Variants in RIC1 observed in about 807,000 individuals in gnomAD.
RIC1 encodes the protein guanine nucleotide exchange factor subunit RIC1.
A neutral mutation model predicts 169.0 loss-of-function variants in RIC1; 88 were observed. The ratio of observed to expected loss-of-function variants is 0.52; its 90% CI spans 0.44 to 0.62. The LOEUF is 0.62. Ranked by LOEUF, RIC1 falls within the 20% of genes least tolerant of loss-of-function variation. The probability of loss-of-function intolerance (pLI) is 0.00; values close to 1 mark genes in which losing one functional copy is unlikely to be tolerated. For missense variants in RIC1, 1,877 were observed against 1,725.5 expected, an observed-to-expected ratio of 1.09 and a Z score of -1.56; for synonymous variants, 790 against 601.5, an observed-to-expected ratio of 1.31 and a Z score of -4.59.
chr9:5,675,566 C>T (rs961344589), intron 2 of RIC1, among the ~76,000 whole-genome samples: 1 of 152,112 alleles, frequency 6.6e-6, no homozygotes, highest in Admixed American at 6.5e-5. Flanking sequence ...ATAATTTCTT[C>T]TAACTTCTTT....
intron 2 of RIC1, among the ~76,000 whole-genome samples, chr9:5,666,024 C>G (rs1425324704): frequency 1.3e-5 from 2 of 152,158 alleles, no homozygotes; most frequent in Non-Finnish European, 2.9e-5. Context: ...ACAGGCTGGA[C>G]TGATTGAGAA....
In RIC1 at chr9:5,774,016, A is replaced by G. The variant is rs1192031054; in HGVS notation, c.4042A>G (p.Ile1348Val). The stretch of plus-strand genomic sequence containing the variant: ...GCCACAACTGCAGAAGCTCAGTGAG[A>G]TAACAGAAGAGCAGGTCCAGCCAGA... The part of the protein sequence containing the change: ...IKPQLQKLSE[I>V]TEEQVQPDAF... Residue 1348 changes from isoleucine (I) to valine (V), a missense_variant, in exon 26 of 26, where the codon ATA (isoleucine) becomes GTA (valine). This residue lies in a region of RIC1 where 681 missense variants were observed against 582.0 expected (regional missense o/e 1.17). Coordinates refer to ENST00000414202, the MANE Select transcript of RIC1 (RefSeq NM_020829.4). The G allele has an allele frequency of 2.5e-6, 4 of 1,613,818 alleles. No homozygotes were observed. The highest frequency in any genetic ancestry group is 2.2e-5 in the East Asian group (1 of 44,876).
chr9:5,769,083 C>T lies in RIC1; in HGVS notation c.3251C>T (p.Ala1084Val), dbSNP rs1223799521. The change falls in exon 22 of 26, where the codon GCC becomes GTC. Residue 1084 changes from alanine to valine, a missense_variant. By Grantham distance (64) the Ala-to-Val change is moderately conservative. Transcript: ENST00000414202. ...TTAAAGGACCTTGGCTGCTTTGCAG[C>T]CCAGCTGGGCTTTGAACTAATTAGT... The part of the protein sequence containing the change: ...VRLKDLGCFA[A>V]QLGFELISWL... 4 of 1,613,954 alleles carry T rather than the reference C, an allele frequency of 2.5e-6. No homozygotes were observed. The African/African-American group carries it at 4.0e-5, about 16-fold the overall frequency.
At position 5,763,639 on chromosome 9, in the gene RIC1, A is replaced by G; in HGVS notation, c.2612A>G (p.Glu871Gly). The G allele has an allele frequency of 6.2e-7, 1 of 1,614,184 alleles. No individual in the cohort carries two copies. The highest frequency in any genetic ancestry group is 1.1e-5 in the South Asian group (1 of 91,078). ...CTCATGCTCCATGAAGTACTGGAAG[A>G]AGAAGCTACCTCACGGGAGCCCATT... ...LELMLHEVLE[E>G]EATSREPIPD... Residue 871 changes from glutamate (E) to glycine (G), a missense_variant, in exon 19 of 26, where the codon GAA (glutamate) becomes GGA (glycine). By Grantham distance (98) the Glu-to-Gly change is moderately conservative (BLOSUM62 -2). Transcript: ENST00000414202. The surrounding 1 kb of genome is among the most constrained non-coding windows in gnomAD (Gnocchi z 5.2).
chr9:5,763,826 T>G lies in RIC1; in HGVS notation c.2799T>G (p.Ala933=). Residue 933 remains alanine (A), a synonymous_variant, in exon 19 of 26, where the codon GCT becomes GCG. Transcript: ENST00000414202. This position sits in a 1 kb window ranked among gnomAD's most constrained non-coding sequence, Gnocchi z 5.2. Reference sequence around the variant, plus strand: ...ACTTGTTTGAGGAGTGTTTGATGGCTCAGGATTTGGACACAGCTGCCTCTT... The same window carrying G: ...ACTTGTTTGAGGAGTGTTTGATGGCGCAGGATTTGGACACAGCTGCCTCTT... The part of the protein sequence containing the change: ...PKDLFEECLM[A]QDLDTAASYL... 1.2e-6 allele frequency: 2 copies of G among 1,614,142 alleles called. No homozygotes were observed. Among genetic ancestry groups the G allele is most frequent in the Non-Finnish European group, 1.7e-6 (2 of 1,179,984 alleles).
chr9:5,696,655 A>C (rs901117274), intron 3 of RIC1, among the ~76,000 whole-genome samples: 4 of 152,130 alleles, frequency 2.6e-5, no homozygotes, highest in Non-Finnish European at 4.4e-5. Context: ...AAAAATGTGA[A>C]CTTTGCTTTT....
chr9:5,666,316 A>G (rs1218784215), intron 2 of RIC1, among the ~76,000 whole-genome samples: 2 of 151,562 alleles, frequency 1.3e-5, no homozygotes, highest in Non-Finnish European at 2.9e-5. Flanking sequence ...TAACTTTATT[A>G]GCTCTAATAA....
chr9:5,770,143 G>A lies in RIC1; in HGVS notation c.3481G>A (p.Asp1161Asn). 6.2e-7 allele frequency: 1 copy of A among 1,613,776 alleles called. No individual in the cohort carries two copies. Among genetic ancestry groups the A allele is most frequent in the Non-Finnish European group, 8.5e-7 (1 of 1,179,838 alleles). ...TGACCCATTTTTGAACCTTGAGATG[G>A]ATGCTGGCATCTCCAACATCCAGCG... ...SADPFLNLEMDAGISNIQRSQ... is the reference protein window; with the variant it reads ...SADPFLNLEMNAGISNIQRSQ... Residue 1161 changes from aspartate (D) to asparagine (N), a missense_variant, in exon 23 of 26, where the codon GAT becomes AAT. This residue lies in a region of RIC1 where 681 missense variants were observed against 582.0 expected (regional missense o/e 1.17). Coordinates refer to ENST00000414202, the MANE Select transcript of RIC1 (RefSeq NM_020829.4).
intron 23 of RIC1, 64 bp from the exon 24 acceptor site, chr9:5,772,500 A>G: frequency 3.0e-6 from 4 of 1,352,758 alleles, no homozygotes; most frequent in Non-Finnish European, 4.0e-6. Context: ...GCTAATATTT[A>G]AAATTAAAGG....
chr9:5,774,015 G>C lies in RIC1; in HGVS notation c.4041G>C (p.Glu1347Asp), dbSNP rs1286729424. ...AGCCACAACTGCAGAAGCTCAGTGAGATAACAGAAGAGCAGGTCCAGCCAG... is the reference window on the plus strand; with the variant it reads ...AGCCACAACTGCAGAAGCTCAGTGACATAACAGAAGAGCAGGTCCAGCCAG... ...IIKPQLQKLS[E>D]ITEEQVQPDA... is the part of the protein sequence containing the mutation. Residue 1347 changes from glutamate to aspartate, a missense_variant, in exon 26 of 26, where the codon GAG (glutamate) becomes GAC (aspartate). Coordinates refer to ENST00000414202, the MANE Select transcript of RIC1 (RefSeq NM_020829.4). 2 of 1,613,870 alleles carry C rather than the reference G, an allele frequency of 1.2e-6. No individual in the cohort carries two copies. The highest frequency in any genetic ancestry group is 1.7e-6 in the Non-Finnish European group (2 of 1,179,884).
At chr9:5,655,540 A>G (rs1418941854) in intron 1 of RIC1, among the ~76,000 whole-genome samples, 1 of 152,196 alleles carries the variant, frequency 6.6e-6, no homozygotes, top group African/African-American at 2.4e-5. Flanking sequence ...ACCTCAGGTG[A>G]TCTGCCAACC....
intron 6 of RIC1, among the ~76,000 whole-genome samples, chr9:5,726,670 A>G (rs1466016894): frequency 6.6e-6 from 1 of 152,172 alleles, no homozygotes; most frequent in Non-Finnish European, 1.5e-5. Context: ...ACAATTTGGC[A>G]TGTTTTTGCA....
At chr9:5,722,748 C>A (rs771453250) in intron 6 of RIC1, among the ~76,000 whole-genome samples, 1 of 152,116 alleles carries the variant, frequency 6.6e-6, no homozygotes, top group Non-Finnish European at 1.5e-5. Context: ...TGATGTTCCC[C>A]ACCTTGTGTC....
chr9:5,728,755 A>T (rs772351303), intron 6 of RIC1, among the ~76,000 whole-genome samples: 15 of 152,066 alleles, frequency 9.9e-5, no homozygotes, highest in Non-Finnish European at 1.8e-4. Context: ...ATAATCTTTA[A>T]CACAGCTGTT....
chr9:5,739,832 C>T (rs1824958918), intron 8 of RIC1, among the ~76,000 whole-genome samples: 1 of 150,530 alleles, frequency 6.6e-6, no homozygotes, highest in Admixed American at 6.7e-5. Flanking sequence ...GGTCCTCCCA[C>T]ACATCCCCTT....
intron 3 of RIC1, among the ~76,000 whole-genome samples, chr9:5,701,674 G>T (rs1001663215): frequency 6.6e-6 from 1 of 151,032 alleles, no homozygotes; most frequent in Non-Finnish European, 1.5e-5. Context: ...TCCTTACCTT[G>T]TATAGTTTAA....
chr9:5,688,462 G>GT (rs1275838240), intron 2 of RIC1, among the ~76,000 whole-genome samples: 2 of 151,958 alleles, frequency 1.3e-5, no homozygotes, highest in Non-Finnish European at 2.9e-5. Context: ...TGTTGTTCTT[G>GT]TTTTTTTATG....
At chr9:5,710,129 TA>T (rs1822848288) in intron 3 of RIC1, among the ~76,000 whole-genome samples, 1 of 152,262 alleles carries the variant, frequency 6.6e-6, no homozygotes, top group African/African-American at 2.4e-5. Flanking sequence ...CTTAAGAACC[TA>T]CAGGATACTG....
At chr9:5,630,085 C>T (rs1458395781) in intron 1 of RIC1, among the ~76,000 whole-genome samples, 1 of 152,178 alleles carries the variant, frequency 6.6e-6, no homozygotes, top group Non-Finnish European at 1.5e-5. Context: ...GTTAAAGGAG[C>T]GGAAGTAGAA....
Sources: allele counts gnomAD v4.1 joint callset (sites outside exome capture counted in the v4.1 genomes callset), GRCh38; gene constraint gnomAD v4.1.1; regional missense constraint gnomAD v4.1.1; non-coding constraint Gnocchi (gnomAD v3.1); transcripts MANE v1.5; gene names NCBI Gene and HGNC (gene_info 2026-07-23, HGNC 2026-07-21).